TMPRSS11B: variants seen among roughly 807,000 people sequenced by gnomAD.
TMPRSS11B encodes the protein transmembrane serine protease 11B, also known as transmembrane protease serine 11B.
A neutral mutation model predicts 44.7 loss-of-function variants in TMPRSS11B; 53 were observed. That is an observed-to-expected ratio of 1.19 (90% CI 0.95 to 1.49). The LOEUF (loss-of-function observed/expected upper bound fraction) is 1.49, where lower values mean the gene tolerates loss of function less well. TMPRSS11B is among the 40% of genes most tolerant of loss of function. The pLI is 0.00. For missense variants in TMPRSS11B, 526 were observed against 494.8 expected (o/e 1.06, Z -0.60); for synonymous variants, 140 against 159.2 (o/e 0.88, Z 0.91).
intron 7 of TMPRSS11B, among the ~76,000 whole-genome samples, chr4:68,229,866 T>C (rs1006854550): frequency 1.3e-5 from 2 of 149,258 alleles, no homozygotes; most frequent in Non-Finnish European, 3.0e-5. Context: ...ATTAGTCTTA[T>C]TGCCACATAC....
chr4:68,228,425 G>A (rs1295286268), intron 9 of TMPRSS11B, among the ~76,000 whole-genome samples: 4 of 152,118 alleles, frequency 2.6e-5, no homozygotes, highest in Non-Finnish European at 5.9e-5. Context: ...TGCATCTCTG[G>A]ATAAAGAGAA....
chr4:68,242,315 T>TA (rs1553896866), intron 1 of TMPRSS11B, among the ~76,000 whole-genome samples: 3 of 74,582 alleles, frequency 4.0e-5, no homozygotes, highest in African/African-American at 1.9e-4. Context: ...ATATATAATA[T>TA]TATATATATA....
Position 68,228,893 on chromosome 4 carries a change from A to G in TMPRSS11B, c.947-9T>C, listed in dbSNP as rs1235358028. 2 of 1,611,310 alleles carry G rather than the reference A, an allele frequency of 1.2e-6. No individual in the cohort carries two copies. The highest frequency in any genetic ancestry group is 1.7e-4 in the Middle Eastern group (1 of 5,918). ...TATCACTGGAAATGAACCTAAAAGC[A>G]ATAAGTGCTGCATATTATGCAGATC... On this transcript the variant is annotated splice_polypyrimidine_tract_variant and intron_variant, in intron 8 of 9. Coordinates refer to ENST00000332644, the MANE Select transcript of TMPRSS11B (RefSeq NM_182502.3).
rs1283649706 is a variant in TMPRSS11B at position 68,241,726 on chromosome 4, TC to T, written c.86del (p.Gly29GlufsTer2). On this transcript the variant is annotated frameshift_variant, in exon 2 of 10. Transcript: ENST00000332644. LOFTEE classifies it high-confidence loss of function. ...FIFLGVAAIL[G>X]VTIGLLVHFL... ...AATGAACAAGAAGACCAATGGTTAC[TC>T]CCAAGATTGCCGCCACTCCAAGAAA... 1 of 1,612,988 alleles carries T rather than the reference TC, an allele frequency of 6.2e-7. No homozygotes were observed. Among genetic ancestry groups the T allele is most frequent in the Non-Finnish European group, 8.5e-7 (1 of 1,179,368 alleles).
At position 68,242,220 on chromosome 4, in the gene TMPRSS11B, T is replaced by TTATATTATA. The variant is rs1719848981; in HGVS notation, c.9-425_9-417dup. 7.7e-3 allele frequency among the ~76,000 whole-genome samples: 47 copies of TTATATTATA among 6,082 alleles called. 1 individual carries two copies. The highest frequency in any genetic ancestry group is 0.05 in the East Asian group (1 of 20). The allele number at this position is 6,082 out of a possible 152,430, so 4.0% of individuals were successfully genotyped here. A position where few individuals can be genotyped will look rare whatever the true frequency, so the allele number is the denominator to read the frequency against. On this transcript the variant is annotated intron_variant, in intron 1 of 9. Transcript: ENST00000332644. ...ATAATATAATATAATATATATAATA[T>TTATATTATA]TATATTATATTATATATATTATATT...
chr4:68,227,017 A>G lies in TMPRSS11B; in HGVS notation c.*894T>C, dbSNP rs1304011870. 5 of 152,212 alleles carry G rather than the reference A, an allele frequency of 3.3e-5. No individual in the cohort carries two copies. Among genetic ancestry groups the G allele is most frequent in the Non-Finnish European group, 7.3e-5 (5 of 68,028 alleles). The allele number at this position is 152,212 out of a possible 1,614,324, so 9.4% of individuals were successfully genotyped here. ...AACTTATCACAGATGATGGAGAGTG[A>G]CTTTAACCAAATCATTTCTCTTCTC... On this transcript the variant is annotated 3_prime_UTR_variant, in exon 10 of 10. Transcript: ENST00000332644.
intron 1 of TMPRSS11B, among the ~76,000 whole-genome samples, chr4:68,242,237 TATTATATTATATATATTATA>T (rs1719853600): frequency 1.2e-5 from 1 of 83,986 alleles, no homozygotes; most frequent in Non-Finnish European, 2.1e-5. Flanking sequence ...ATATTATATA[TATTATATTATATATATTATA>T]ATATATATAA....
At chr4:68,242,317 A>ATATTATATATATAT (rs1480706022) in intron 1 of TMPRSS11B, among the ~76,000 whole-genome samples, 4 of 72,954 alleles carry the variant, frequency 5.5e-5, no homozygotes, top group Non-Finnish European at 9.4e-5. Context: ...ATATAATATT[A>ATATTATATATATAT]TATATATAAT....
chr4:68,236,095 C>G (rs1397200208), intron 3 of TMPRSS11B, 26 bp from the exon 4 acceptor site: 5 of 1,573,782 alleles, frequency 3.2e-6, no homozygotes, highest in African/African-American at 2.7e-5. Context: ...AAACAGTCAT[C>G]ATGTATGTTT....
chr4:68,232,831 G>A (rs1229952030), intron 5 of TMPRSS11B, among the ~76,000 whole-genome samples: 1 of 151,666 alleles, frequency 6.6e-6, no homozygotes, highest in Non-Finnish European at 1.5e-5. Flanking sequence ...TTAACATTAG[G>A]TATATCTTCT....
rs912897782 is a variant in TMPRSS11B at position 68,234,365 on chromosome 4, C to T, written c.469+98G>A. 37 of 1,339,096 alleles carry T rather than the reference C, an allele frequency of 2.8e-5. 1 individual carries two copies. Among genetic ancestry groups the T allele is most frequent in the Admixed American group, 7.0e-5 (3 of 42,938 alleles). 83.0% of individuals were successfully genotyped at this position (1,339,096 alleles called of 1,614,324 possible). On this transcript the variant is annotated intron_variant, in intron 5 of 9. Coordinates refer to ENST00000332644, the MANE Select transcript of TMPRSS11B (RefSeq NM_182502.3). ...GAGTTAGGTACGCATATTTTTTTCC[C>T]GAATTACTAAAACTCTTAGTTCACT... is the stretch of plus-strand genomic sequence containing the variant.
intron 5 of TMPRSS11B, among the ~76,000 whole-genome samples, chr4:68,234,064 G>T (rs1719592764): frequency 6.6e-6 from 1 of 151,794 alleles, no homozygotes; most frequent in South Asian, 2.1e-4. Context: ...CCCAGGCTGA[G>T]GCAGGAGAAC....
chr4:68,245,544 C>G lies in TMPRSS11B; in HGVS notation c.8+7G>C, dbSNP rs1307961182. 1.9e-6 allele frequency: 3 copies of G among 1,613,388 alleles called. No homozygotes were observed. In the Admixed American group the frequency reaches 5.0e-5, roughly 27 times the overall value. ...CAACTTGCTCTCCCCAGTGAAGTCC[C>G]CTTTACCTGTACATAATGTTCTGAT... On this transcript the variant is annotated splice_region_variant and intron_variant, in intron 1 of 9. Coordinates refer to ENST00000332644, the MANE Select transcript of TMPRSS11B (RefSeq NM_182502.3).
chr4:68,226,764 A>G lies in TMPRSS11B; in HGVS notation c.*1147T>C, dbSNP rs922205992. 3.3e-5 allele frequency: 5 copies of G among 152,236 alleles called. No individual in the cohort carries two copies. The highest frequency in any genetic ancestry group is 5.9e-5 in the Non-Finnish European group (4 of 68,034). 9.4% of individuals were successfully genotyped at this position (152,236 alleles called of 1,614,324 possible). ...ATTTGTAGAGATTACAAAGTTAGCC[A>G]TCCATATGATTGCACTTTTACTATA... On this transcript the variant is annotated 3_prime_UTR_variant, in exon 10 of 10. Coordinates refer to ENST00000332644, the MANE Select transcript of TMPRSS11B (RefSeq NM_182502.3).
chr4:68,235,289 A>G (rs1002588687), intron 4 of TMPRSS11B, among the ~76,000 whole-genome samples: 1 of 152,236 alleles, frequency 6.6e-6, no homozygotes, highest in African/African-American at 2.4e-5. Context: ...TCAAATAATT[A>G]TGATCAATTC....
In TMPRSS11B at chr4:68,245,677, G is replaced by A. The variant is rs373836877; in HGVS notation, c.-119C>T. 14 of 1,255,514 alleles carry A rather than the reference G, an allele frequency of 1.1e-5. No homozygotes were observed. The South Asian group carries it at 1.7e-4, about 16-fold the overall frequency. The allele number at this position is 1,255,514 out of a possible 1,614,324, so 77.8% of individuals were successfully genotyped here. A position where few individuals can be genotyped will look rare whatever the true frequency, so the allele number is the denominator to read the frequency against. ...ACAAAAGTTAGAACCTTCTGACGCA[G>A]CTTTTGACTTATGTGCTACATCCAG... On this transcript the variant is annotated 5_prime_UTR_variant, in exon 1 of 10. Transcript: ENST00000332644.
At chr4:68,240,811 T>C (rs969732991) in intron 2 of TMPRSS11B, among the ~76,000 whole-genome samples, 2 of 151,990 alleles carry the variant, frequency 1.3e-5, no homozygotes, top group Non-Finnish European at 2.9e-5. Context: ...AGAAACTGTG[T>C]AATTTTTGCT....
rs193293964 is a variant in TMPRSS11B at position 68,243,699 on chromosome 4, G to C, written c.8+1852C>G. Reference sequence around the variant, plus strand: ...TATAAAAGTGCACTGTGACAGTAAGGTCTCAAATTTGTTTGGAATTAGCCA... The same window carrying C: ...TATAAAAGTGCACTGTGACAGTAAGCTCTCAAATTTGTTTGGAATTAGCCA... On this transcript the variant is annotated intron_variant, in intron 1 of 9. Coordinates refer to ENST00000332644, the MANE Select transcript of TMPRSS11B (RefSeq NM_182502.3). 8.6e-3 allele frequency among the ~76,000 whole-genome samples: 1,313 copies of C among 152,182 alleles called. 4 individuals are homozygous for C. Among genetic ancestry groups the C allele is most frequent in the Non-Finnish European group, 0.013 (874 of 67,998 alleles).
rs191411851 is a variant in TMPRSS11B at position 68,229,229 on chromosome 4, G to T, written c.946+28C>A. On this transcript the variant is annotated intron_variant, in intron 8 of 9. Coordinates refer to ENST00000332644, the MANE Select transcript of TMPRSS11B (RefSeq NM_182502.3). ...TTGATTAAATAGTTATTCCCATGCA[G>T]CTATTATGATTTTACAAAAAAACTT... The T allele has an allele frequency of 3.6e-5, 56 of 1,547,784 alleles. No homozygotes were observed. The African/African-American group carries it at 6.7e-4, about 19-fold the overall frequency.
Sources: allele counts gnomAD v4.1 joint callset (sites outside exome capture counted in the v4.1 genomes callset), GRCh38; gene constraint gnomAD v4.1.1; transcripts MANE v1.5; gene names NCBI Gene and HGNC (gene_info 2026-07-23, HGNC 2026-07-21).